The following USP12 variants were observed in gnomAD, a reference collection of about 807,000 sequenced individuals.
The protein encoded by USP12 is ubiquitin carboxyl-terminal hydrolase 12.
A neutral mutation model predicts 45.5 loss-of-function variants in USP12; 19 were observed. That is an observed-to-expected ratio of 0.42 (90% confidence interval 0.29 to 0.61). USP12 has a LOEUF of 0.61. USP12 is among the 20% of genes least tolerant of loss of function. USP12 has a pLI of 0.22. For missense variants in USP12, 242 were observed against 447.7 expected (o/e 0.54, Z 4.15); for synonymous variants, 149 against 148.8 (o/e 1.00, Z -0.01).
chr13:27,128,340 C>T (rs1285057785), intron 1 of USP12, among the ~76,000 whole-genome samples: 1 of 152,124 alleles, frequency 6.6e-6, no homozygotes, highest in African/African-American at 2.4e-5. Context: ...TTAACAATAA[C>T]ATCAAAAGGA....
intron 1 of USP12, among the ~76,000 whole-genome samples, chr13:27,165,083 G>A (rs1489956897): frequency 6.6e-6 from 1 of 150,986 alleles, no homozygotes; most frequent in East Asian, 1.9e-4. Context: ...ATAAAATAAG[G>A]TAAGATAGAT....
chr13:27,095,547 C>T, intron 4 of USP12, 54 bp downstream of exon 4: 2 of 1,301,488 alleles, frequency 1.5e-6, no homozygotes, highest in Admixed American at 2.6e-5. Flanking sequence ...CAAAGAACAA[C>T]CTTTAACATA....
intron 8 of USP12, 77 bp from the exon 9 acceptor site, chr13:27,069,461 A>C: frequency 1.4e-5 from 15 of 1,041,644 alleles, no homozygotes; most frequent in Non-Finnish European, 2.2e-5. Context: ...AAAGACTGAC[A>C]ATACCAAGTA....
At position 27,105,726 on chromosome 13, in the gene USP12, A is replaced by G; in HGVS notation, c.343+5T>C. 2.5e-6 allele frequency: 4 copies of G among 1,612,170 alleles called. No individual in the cohort carries two copies. The highest frequency in any genetic ancestry group is 3.4e-6 in the Non-Finnish European group (4 of 1,178,770). On this transcript the variant is annotated splice_donor_5th_base_variant and intron_variant, in intron 3 of 8. Coordinates refer to ENST00000282344, the MANE Select transcript of USP12 (RefSeq NM_182488.4). ...TGTCATTAATACAGTGGGAAGTAGA[A>G]TTACCATTTTCTTTCCGTAATCTTG... is the stretch of plus-strand genomic sequence containing the variant.
chr13:27,074,283 T>C (rs940558783), intron 7 of USP12, among the ~76,000 whole-genome samples: 6 of 151,900 alleles, frequency 3.9e-5, no homozygotes, highest in South Asian at 2.1e-4. Context: ...GCCTGTAGTC[T>C]CAGCTACTCG....
intron 1 of USP12, among the ~76,000 whole-genome samples, chr13:27,124,146 T>G (rs1876119711): frequency 6.6e-6 from 1 of 152,158 alleles, no homozygotes; most frequent in Non-Finnish European, 1.5e-5. Flanking sequence ...TAACTACCTT[T>G]CACTCCTTTC....
intron 1 of USP12, among the ~76,000 whole-genome samples, chr13:27,146,999 G>A (rs763877977): frequency 2.6e-5 from 4 of 152,174 alleles, no homozygotes; most frequent in Non-Finnish European, 5.9e-5. Flanking sequence ...TGAGGCTGCC[G>A]GAAGCAAGTA....
chr13:27,079,848 TACAG>T (rs1261118591), intron 6 of USP12, among the ~76,000 whole-genome samples: 1 of 152,174 alleles, frequency 6.6e-6, no homozygotes. Flanking sequence ...TTAATAATTG[TACAG>T]ACATTCAGTT....
chr13:27,164,384 G>A (rs1566009502), intron 1 of USP12, among the ~76,000 whole-genome samples: 1 of 152,172 alleles, frequency 6.6e-6, no homozygotes, highest in Non-Finnish European at 1.5e-5. Context: ...AATAAAGCAA[G>A]CTTACACATC....
chr13:27,106,024 A>C, intron 2 of USP12, 80 bp from the exon 3 acceptor site: 1 of 1,232,168 alleles, frequency 8.1e-7, no homozygotes, highest in South Asian at 1.5e-5. Context: ...ATGGTTGAGA[A>C]CAGAAAGAGA....
At chr13:27,087,670 CT>C (rs1262005351) in intron 6 of USP12, among the ~76,000 whole-genome samples, 1 of 152,174 alleles carries the variant, frequency 6.6e-6, no homozygotes, top group African/African-American at 2.4e-5. Flanking sequence ...ACCAGGGCTC[CT>C]TGGAGAAATG....
intron 1 of USP12, among the ~76,000 whole-genome samples, chr13:27,118,937 C>T (rs2137799623): frequency 6.6e-6 from 1 of 152,304 alleles, no homozygotes; most frequent in East Asian, 1.9e-4. Context: ...AGCTCTTCTC[C>T]CACTCCCTTG....
intron 1 of USP12, among the ~76,000 whole-genome samples, chr13:27,166,159 G>C (rs1356742794): frequency 1.3e-5 from 2 of 152,126 alleles, no homozygotes; most frequent in Non-Finnish European, 2.9e-5. Flanking sequence ...ATCTGGACTA[G>C]AATTTACCTT....
chr13:27,104,678 C>T (rs546188342), intron 3 of USP12, among the ~76,000 whole-genome samples: 2 of 152,240 alleles, frequency 1.3e-5, no homozygotes, highest in East Asian at 1.9e-4. Flanking sequence ...GAATAATAGC[C>T]TATAGCCTAT....
chr13:27,156,593 G>T (rs544745803), intron 1 of USP12, among the ~76,000 whole-genome samples: 13 of 152,184 alleles, frequency 8.5e-5, no homozygotes, highest in African/African-American at 3.1e-4. Flanking sequence ...CAAGACAGGC[G>T]GATCACCTGA....
intron 6 of USP12, among the ~76,000 whole-genome samples, chr13:27,088,719 CTTT>C (rs1874183060): frequency 1.3e-5 from 2 of 152,148 alleles, no homozygotes; most frequent in African/African-American, 4.8e-5. Flanking sequence ...AATTAATAGT[CTTT>C]TGTGACTCCA....
chr13:27,118,759 C>A (rs549469346), intron 1 of USP12, among the ~76,000 whole-genome samples: 5 of 152,308 alleles, frequency 3.3e-5, no homozygotes, highest in African/African-American at 9.6e-5. Flanking sequence ...CCAGTCCATA[C>A]ACCTTAGGAA....
intron 6 of USP12, among the ~76,000 whole-genome samples, 159 bp from the exon 7 acceptor site, chr13:27,075,547 T>C (rs1418371729): frequency 6.6e-6 from 1 of 152,318 alleles, no homozygotes; most frequent in East Asian, 1.9e-4. Flanking sequence ...ATTTTTATAC[T>C]GACAAAACAA....
rs2137765673 is a variant in USP12 at position 27,086,120 on chromosome 13, A to C, written c.734+3763T>G. 1.3e-5 allele frequency among the ~76,000 whole-genome samples: 2 copies of C among 149,228 alleles called. 1 individual carries two copies. The highest frequency in any genetic ancestry group is 3.9e-4 in the East Asian group (2 of 5,108). ...AGGAGTCTGAGGCTACAGTGAGCTA[A>C]GATCGCACCACTGGACTCCAGCCTG... On this transcript the variant is annotated intron_variant, in intron 6 of 8. Coordinates refer to ENST00000282344, the MANE Select transcript of USP12 (RefSeq NM_182488.4).
Sources: allele counts gnomAD v4.1 joint callset (sites outside exome capture counted in the v4.1 genomes callset), GRCh38; gene constraint gnomAD v4.1.1; transcripts MANE v1.5; gene names NCBI Gene and HGNC (gene_info 2026-07-23, HGNC 2026-07-21).